The following SMAD2 variants were observed in gnomAD, a reference collection of about 807,000 sequenced individuals.
SMAD2 encodes SMAD family member 2.
A neutral mutation model predicts 64.4 loss-of-function variants in SMAD2; 8 were observed. The observed-to-expected ratio is 0.12, with a 90% CI of 0.07 to 0.22. The LOEUF (loss-of-function observed/expected upper bound fraction) is 0.22, where lower values mean the gene tolerates loss of function less well. Ranked by LOEUF, SMAD2 falls within the 10% of genes least tolerant of loss-of-function variation. SMAD2 has a pLI of 1.00. For synonymous variants in SMAD2, 203 were observed against 195.8 expected (o/e 1.04, Z -0.31); for missense variants, 289 against 561.2 (o/e 0.51, Z 4.90).
intron 6 of SMAD2, among the ~76,000 whole-genome samples, chr18:47,862,952 A>G (rs904343992): frequency 2.6e-5 from 4 of 152,188 alleles, no homozygotes; most frequent in African/African-American, 9.7e-5. Flanking sequence ...ATCCACTATA[A>G]AGGAAGAATA....
In SMAD2 at chr18:47,863,553, C is replaced by CT. The variant is rs146121005; in HGVS notation, c.730+1505dup. Among the ~76,000 whole-genome samples, 4 of 151,882 alleles carry CT rather than the reference C, an allele frequency of 2.6e-5. No individual in the cohort carries two copies. In the East Asian group the frequency reaches 5.8e-4, roughly 22 times the overall value. ...TGCACTAAATTAGAATCCCTGCAGC[C>CT]TTTTTTTTCTGGCTTATTTCACTTA... On this transcript the variant is annotated intron_variant, in intron 6 of 10. Coordinates refer to ENST00000262160, the MANE Select transcript of SMAD2 (RefSeq NM_005901.6).
rs1267448901 is a variant in SMAD2, at chr18:47,810,730, T to C, written c.*31097A>G. 6.6e-6 allele frequency: 1 copy of C among 151,210 alleles called. No homozygotes were observed. The highest frequency in any genetic ancestry group is 2.4e-5 in the African/African-American group (1 of 41,052). The allele number at this position is 151,210 out of a possible 1,614,324, so 9.4% of individuals were successfully genotyped here. On this transcript the variant is annotated 3_prime_UTR_variant, in exon 11 of 11. Transcript: ENST00000262160. ...TGGGAGGATCACTTGGGCCCAGGAGTTTAAGACCAGGCTGGGCAACACAGC... is the reference window on the plus strand; with the variant it reads ...TGGGAGGATCACTTGGGCCCAGGAGCTTAAGACCAGGCTGGGCAACACAGC...
intron 6 of SMAD2, among the ~76,000 whole-genome samples, chr18:47,857,633 A>C (rs1173561607): frequency 1.3e-5 from 2 of 152,204 alleles, no homozygotes; most frequent in African/African-American, 4.8e-5. Context: ...GAGAGGGATG[A>C]GCTCCTCCCC....
chr18:47,908,770 G>A (rs1163206211), intron 1 of SMAD2, among the ~76,000 whole-genome samples: 1 of 152,148 alleles, frequency 6.6e-6, no homozygotes, highest in African/African-American at 2.4e-5. Context: ...CACTGTGTGA[G>A]GCTAATCATC....
chr18:47,880,393 C>A, intron 2 of SMAD2, among the ~76,000 whole-genome samples: 1 of 152,164 alleles, frequency 6.6e-6, no homozygotes, highest in Non-Finnish European at 1.5e-5. Context: ...GAAAGACTTT[C>A]CTTTCCCTAC....
intron 1 of SMAD2, among the ~76,000 whole-genome samples, chr18:47,899,898 C>T (rs1429311865): frequency 6.6e-6 from 1 of 152,114 alleles, no homozygotes; most frequent in Non-Finnish European, 1.5e-5. Flanking sequence ...GACTTAATAT[C>T]CTTTAAGAAC....
intron 2 of SMAD2, among the ~76,000 whole-genome samples, chr18:47,889,256 T>C (rs974035021): frequency 6.6e-6 from 1 of 152,194 alleles, no homozygotes. Flanking sequence ...GTGGGTATTG[T>C]CTATCTCAGG....
At position 47,828,115 on chromosome 18, in the gene SMAD2, G is replaced by A. The variant is rs192259461; in HGVS notation, c.*13712C>T. On this transcript the variant is annotated 3_prime_UTR_variant, in exon 11 of 11. Coordinates refer to ENST00000262160, the MANE Select transcript of SMAD2 (RefSeq NM_005901.6). ...CCACCCCGTCTGGGAGGTGAGGAGC[G>A]TCTCTGCCCGGCCGCCCCGTCTGAG... 0.016 allele frequency: 2,505 copies of A among 158,278 alleles called. 57 individuals are homozygous for A. Among genetic ancestry groups the A allele is most frequent in the African/African-American group, 0.059 (2,325 of 39,124 alleles). 9.8% of individuals were successfully genotyped at this position (158,278 alleles called of 1,614,324 possible). A position where few individuals can be genotyped will look rare whatever the true frequency, so the allele number is the denominator to read the frequency against.
At chr18:47,911,049 C>T (rs2034107221) in intron 1 of SMAD2, among the ~76,000 whole-genome samples, 1 of 152,076 alleles carries the variant, frequency 6.6e-6, no homozygotes, top group Non-Finnish European at 1.5e-5. Context: ...GTATAATTTG[C>T]TAGAAAATAA....
At chr18:47,862,922 T>C (rs949326829) in intron 6 of SMAD2, among the ~76,000 whole-genome samples, 4 of 152,052 alleles carry the variant, frequency 2.6e-5, no homozygotes, top group African/African-American at 9.7e-5. Context: ...TTTCTTACGA[T>C]GTCCAGCCTG....
rs1053583413 is a variant in SMAD2 at position 47,930,355 on chromosome 18, C to G, written c.-54+6G>C. 6 of 152,188 alleles carry G rather than the reference C, an allele frequency of 3.9e-5. No individual in the cohort carries two copies. The highest frequency in any genetic ancestry group is 1.4e-4 in the African/African-American group (6 of 41,400). The allele number at this position is 152,188 out of a possible 1,614,324, so 9.4% of individuals were successfully genotyped here. ...AGCTGGAGGCCCGCGGGCGCCCAGG[C>G]TTTACCTGCAAGGTGGCGCCAGGTC... On this transcript the variant is annotated splice_donor_region_variant and intron_variant, in intron 1 of 10. Coordinates refer to ENST00000262160, the MANE Select transcript of SMAD2 (RefSeq NM_005901.6).
intron 6 of SMAD2, among the ~76,000 whole-genome samples, chr18:47,859,102 T>C (rs957357472): frequency 1.3e-5 from 2 of 152,130 alleles, no homozygotes; most frequent in Non-Finnish European, 2.9e-5. Context: ...GATGTTAATA[T>C]GAAATGCATT....
At chr18:47,867,891 G>T (rs2031681749) in intron 5 of SMAD2, among the ~76,000 whole-genome samples, 1 of 152,092 alleles carries the variant, frequency 6.6e-6, no homozygotes, top group Non-Finnish European at 1.5e-5. Flanking sequence ...ATTTCTTATA[G>T]AAATGTTATA....
chr18:47,900,018 T>C (rs2033618166), intron 1 of SMAD2, among the ~76,000 whole-genome samples: 1 of 152,106 alleles, frequency 6.6e-6, no homozygotes, highest in Non-Finnish European at 1.5e-5. Context: ...CACCCCAGTT[T>C]TCTCAGCTGT....
At chr18:47,882,389 G>C (rs575546583) in intron 2 of SMAD2, 1 of 149,628 alleles carries the variant, frequency 6.7e-6, no homozygotes, top group African/African-American at 2.5e-5. Context: ...TAGAAATGGG[G>C]TCTTGCTTTG....
chr18:47,842,308 G>A (rs958688768), intron 10 of SMAD2, among the ~76,000 whole-genome samples: 1 of 152,144 alleles, frequency 6.6e-6, no homozygotes. Flanking sequence ...TTGGGAGGCC[G>A]AGGCAGGCGG....
intron 8 of SMAD2, among the ~76,000 whole-genome samples, chr18:47,847,216 G>A (rs1177135221): frequency 2.0e-5 from 3 of 151,910 alleles, no homozygotes; most frequent in Non-Finnish European, 2.9e-5. Flanking sequence ...AGCGACACTG[G>A]GTATCTTAAT....
chr18:47,911,915 C>T lies in SMAD2; in HGVS notation c.-53-15106G>A, dbSNP rs530336293. Among the ~76,000 whole-genome samples, 5 of 152,314 alleles carry T rather than the reference C, an allele frequency of 3.3e-5. No individual in the cohort carries two copies. The East Asian group carries it at 9.6e-4, about 29-fold the overall frequency. On this transcript the variant is annotated intron_variant, in intron 1 of 10. Coordinates refer to ENST00000262160, the MANE Select transcript of SMAD2 (RefSeq NM_005901.6). ...AGGCAGCAAAAAGTGTACTTGGCTA[C>T]CTTTGGCCCCTGTTGGATTCCTACT...
chr18:47,872,482 T>C (rs1342318376), intron 2 of SMAD2, among the ~76,000 whole-genome samples: 2 of 152,042 alleles, frequency 1.3e-5, no homozygotes, highest in Admixed American at 1.3e-4. Flanking sequence ...TTACACAGCA[T>C]TTACAATGTA....
Sources: gnomAD v4.1 joint callset for allele counts (sites outside exome capture counted in the v4.1 genomes callset) on GRCh38, gnomAD v4.1.1 for gene constraint, MANE v1.5 for transcripts, NCBI Gene and HGNC (gene_info 2026-07-23, HGNC 2026-07-21) for gene names.